Variants in CPAMD8 observed in about 807,000 individuals in gnomAD.
The protein encoded by CPAMD8 is C3 and PZP-like alpha-2-macroglobulin domain-containing protein 8.
CPAMD8 carries 146 observed loss-of-function variants against 224.7 expected under a neutral mutation model. That is an observed-to-expected ratio of 0.65 (90% CI 0.57 to 0.75). CPAMD8 has a LOEUF of 0.75. Ranked by LOEUF, CPAMD8 falls within the 30% of genes least tolerant of loss-of-function variation. The probability of loss-of-function intolerance (pLI) is 0.00; values close to 1 mark genes in which losing one functional copy is unlikely to be tolerated. For synonymous variants in CPAMD8, 966 were observed against 1,044.6 expected (o/e 0.92, Z 1.45); for missense variants, 2,301 against 2,537.5 (o/e 0.91, Z 2.00).
chr19:16,907,344 C>T (rs1444723992), intron 29 of CPAMD8: 11 of 376,104 alleles, frequency 2.9e-5, no homozygotes, highest in African/African-American at 1.1e-4. Context: ...ATAGGCTGGG[C>T]GCAATGTAAT....
At chr19:17,021,180 G>A (rs1031919301) in intron 2 of CPAMD8, among the ~76,000 whole-genome samples, 8 of 152,196 alleles carry the variant, frequency 5.3e-5, no homozygotes, top group Non-Finnish European at 7.3e-5. Flanking sequence ...CTTAAGGAGA[G>A]ACCTGGTTGC....
chr19:16,928,253 G>C lies in CPAMD8; in HGVS notation c.3145-19C>G, dbSNP rs1309083104. 1.9e-6 allele frequency: 3 copies of C among 1,599,576 alleles called. No individual in the cohort carries two copies. The highest frequency in any genetic ancestry group is 2.2e-5 in the East Asian group (1 of 44,686). On this transcript the variant is annotated intron_variant, in intron 24 of 41. Transcript: ENST00000443236. The stretch of plus-strand genomic sequence containing the variant: ...GGCCAACCTGGAAAAAGAAACCAAG[G>C]CTGCTGGACGCTGGCAGGAAGCAGG...
intron 20 of CPAMD8, among the ~76,000 whole-genome samples, chr19:16,947,770 G>A (rs906505282): frequency 3.9e-5 from 6 of 152,112 alleles, no homozygotes; most frequent in African/African-American, 1.4e-4. Context: ...GCATACACAT[G>A]TGCATGCATG....
At chr19:17,017,715 G>C (rs1353976688) in intron 3 of CPAMD8, among the ~76,000 whole-genome samples, 2 of 152,172 alleles carry the variant, frequency 1.3e-5, no homozygotes, top group Non-Finnish European at 2.9e-5. Flanking sequence ...TGCTGCCTTA[G>C]AGAAAGGGTT....
intron 3 of CPAMD8, among the ~76,000 whole-genome samples, chr19:17,015,433 G>T (rs116419548): frequency 0.029 from 4,420 of 151,998 alleles, 201 homozygotes; most frequent in African/African-American, 0.098. Flanking sequence ...CATGACCATT[G>T]TGTGGGTGAG....
At chr19:16,936,169 C>T (rs1303919393) in intron 23 of CPAMD8, among the ~76,000 whole-genome samples, 1 of 152,050 alleles carries the variant, frequency 6.6e-6, no homozygotes, top group Non-Finnish European at 1.5e-5. Context: ...CTCAAGTTCT[C>T]CACCCACCTT....
In CPAMD8 at chr19:16,945,667, G is replaced by C. The variant is rs1226010948; in HGVS notation, c.2675C>G (p.Ala892Gly). 6.2e-7 allele frequency: 1 copy of C among 1,614,164 alleles called. No individual in the cohort carries two copies. The highest frequency in any genetic ancestry group is 1.3e-5 in the African/African-American group (1 of 75,066). ...GLNNITAKALAYGDTNCCRDG... is the reference protein window; with the variant it reads ...GLNNITAKALGYGDTNCCRDG... ...CCGGCAGCAATTTGTGTCTCCGTAA[G>C]CAAGGGCTTTGGCTGCAGAAATTTG... The change falls in exon 22 of 42, where the codon GCT becomes GGT. Residue 892 changes from alanine to glycine, a missense_variant. Ala to Gly is a moderately conservative substitution (Grantham distance 60). This residue lies in a region of CPAMD8 where 1,709 missense variants were observed against 1,753.2 expected (regional missense o/e 0.97). Transcript: ENST00000443236.
intron 34 of CPAMD8, among the ~76,000 whole-genome samples, 174 bp from the exon 35 acceptor site, chr19:16,903,037 C>T (rs951976115): frequency 2.0e-5 from 3 of 152,120 alleles, no homozygotes; most frequent in Non-Finnish European, 4.4e-5. Flanking sequence ...ATCACTGAAG[C>T]GGGTGTAGGT....
chr19:17,015,955 G>A lies in CPAMD8; in HGVS notation c.268-4198C>T, dbSNP rs74253203. On this transcript the variant is annotated intron_variant, in intron 3 of 41. Transcript: ENST00000443236. ...AAGAAGGACCTCCAGCCTTCTTTCCGTGTTTAAAGACAGGCTCTTGCTCTG... is the reference window on the plus strand; with the variant it reads ...AAGAAGGACCTCCAGCCTTCTTTCCATGTTTAAAGACAGGCTCTTGCTCTG... Among the ~76,000 whole-genome samples the A allele has an allele frequency of 1.8e-3, 276 of 152,254 alleles. 6 individuals carry two copies. In the East Asian group the frequency reaches 0.045, roughly 25 times the overall value.
At chr19:16,989,941 T>C (rs2055880783) in intron 12 of CPAMD8, among the ~76,000 whole-genome samples, 170 bp from the exon 13 acceptor site, 2 of 152,136 alleles carry the variant, frequency 1.3e-5, no homozygotes, top group South Asian at 4.1e-4. Flanking sequence ...GTCCAGCCCA[T>C]TCTTCCTAGC....
intron 39 of CPAMD8, 95 bp downstream of exon 39, chr19:16,897,596 G>T: frequency 2.9e-6 from 2 of 686,652 alleles, no homozygotes; most frequent in Non-Finnish European, 4.8e-6. Context: ...CCCCTCCTCT[G>T]CCAAGCCCCC....
chr19:16,994,349 C>A (rs1422267371), intron 11 of CPAMD8, among the ~76,000 whole-genome samples: 1 of 152,030 alleles, frequency 6.6e-6, no homozygotes, highest in Non-Finnish European at 1.5e-5. Context: ...TAAACCTCAC[C>A]CATTCAGACT....
intron 23 of CPAMD8, 128 bp downstream of exon 23, chr19:16,938,267 C>A: frequency 3.6e-6 from 2 of 551,004 alleles, no homozygotes; most frequent in Non-Finnish European, 6.4e-6. Context: ...ACAGTGCCCC[C>A]TTCCCAGGGG....
intron 41 of CPAMD8, 78 bp downstream of exon 41, chr19:16,896,098 G>A: frequency 1.9e-6 from 3 of 1,539,354 alleles, no homozygotes; most frequent in Non-Finnish European, 2.7e-6. Context: ...GCAGGTCGTC[G>A]GGGGAGGTTG....
At chr19:16,946,985 A>G in intron 21 of CPAMD8, 89 bp downstream of exon 21, 1 of 1,384,392 alleles carries the variant, frequency 7.2e-7, no homozygotes, top group Non-Finnish European at 9.8e-7. Flanking sequence ...CTGCTGCCCC[A>G]TCCACCCCTC....
At chr19:17,014,138 A>C (rs1053427278) in intron 3 of CPAMD8, among the ~76,000 whole-genome samples, 1 of 152,094 alleles carries the variant, frequency 6.6e-6, no homozygotes, top group Admixed American at 6.6e-5. Flanking sequence ...TACAGCCTCA[A>C]ACTCCTGGGC....
intron 29 of CPAMD8, among the ~76,000 whole-genome samples, chr19:16,910,185 T>C (rs932527410): frequency 2.6e-5 from 4 of 151,840 alleles, no homozygotes; most frequent in South Asian, 4.2e-4. Context: ...TTTTTTTTTT[T>C]TGAGATGGAG....
chr19:16,940,467 G>C (rs1161486055), intron 22 of CPAMD8, among the ~76,000 whole-genome samples: 1 of 151,910 alleles, frequency 6.6e-6, no homozygotes, highest in African/African-American at 2.4e-5. Flanking sequence ...TCTAAGATGG[G>C]GGTTAAAGAC....
intron 41 of CPAMD8, chr19:16,894,986 GCC>G: frequency 6.2e-6 from 1 of 161,760 alleles, no homozygotes; most frequent in Non-Finnish European, 1.3e-5. Flanking sequence ...GGTAGTGTGT[GCC>G]TGTGGTCCCA....
Sources: gnomAD v4.1 joint callset for allele counts (sites outside exome capture counted in the v4.1 genomes callset) on GRCh38, gnomAD v4.1.1 for gene constraint, gnomAD v4.1.1 regional missense constraint, MANE v1.5 for transcripts, NCBI Gene and HGNC (gene_info 2026-07-23, HGNC 2026-07-21) for gene names.